DDR2: variants seen among roughly 807,000 people sequenced by gnomAD.
The protein encoded by DDR2 is discoidin domain-containing receptor 2.
Under a neutral mutation model 94.9 loss-of-function variants are expected in DDR2, and 27 were observed. That is an observed-to-expected ratio of 0.28 (90% CI 0.21 to 0.39). DDR2 has a LOEUF of 0.39. Among genes scored for constraint, DDR2 ranks in the 10% least tolerant of loss-of-function variants. DDR2 has a pLI of 1.00. For synonymous variants in DDR2, 382 were observed against 377.2 expected (o/e 1.01, Z -0.15); for missense variants, 783 against 1,076.0 (o/e 0.73, Z 3.81).
At chr1:162,757,199 T>C (rs1432473393) in intron 7 of DDR2, among the ~76,000 whole-genome samples, 2 of 152,222 alleles carry the variant, frequency 1.3e-5, no homozygotes, top group Non-Finnish European at 2.9e-5. Flanking sequence ...GCTTAAGGGA[T>C]TAAAATGTGT....
chr1:162,723,936 A>G (rs1661536089), intron 3 of DDR2, among the ~76,000 whole-genome samples: 1 of 152,168 alleles, frequency 6.6e-6, no homozygotes, highest in African/African-American at 2.4e-5. Flanking sequence ...GGAGAGGACG[A>G]GCTTTTCTCC....
At chr1:162,649,629 AAG>A (rs1277069095) in intron 1 of DDR2, among the ~76,000 whole-genome samples, 1 of 152,236 alleles carries the variant, frequency 6.6e-6, no homozygotes, top group East Asian at 1.9e-4. Flanking sequence ...GTGGTAGGAA[AAG>A]AGAGAGTAGA....
At chr1:162,743,496 C>A (rs1310052603) in intron 3 of DDR2, among the ~76,000 whole-genome samples, 1 of 152,172 alleles carries the variant, frequency 6.6e-6, no homozygotes, top group Non-Finnish European at 1.5e-5. Context: ...CTCCCTGCCA[C>A]CTCTACTCCA....
rs200739801 is a variant in DDR2, at chr1:162,720,700, AT to A, written c.82+1556del. On this transcript the variant is annotated intron_variant, in intron 3 of 17. Transcript: ENST00000367921. The stretch of plus-strand genomic sequence containing the variant: ...TGGAACTTCATATGTGTAGCATATG[AT>A]ATACTATTCTGCATAATACCAAAAA... 7.2e-3 allele frequency among the ~76,000 whole-genome samples: 1,091 copies of A among 152,252 alleles called. 13 individuals carry two copies. Among genetic ancestry groups the A allele is most frequent in the African/African-American group, 0.025 (1,037 of 41,568 alleles).
chr1:162,642,777 T>C (rs1657203678), intron 1 of DDR2, among the ~76,000 whole-genome samples: 1 of 152,146 alleles, frequency 6.6e-6, no homozygotes, highest in South Asian at 2.1e-4. Flanking sequence ...ATTTAACCTT[T>C]CCCTCTCTCA....
At chr1:162,739,448 A>T (rs111589695) in intron 3 of DDR2, among the ~76,000 whole-genome samples, 2,666 of 152,202 alleles carry the variant, frequency 0.018, 61 homozygotes, top group African/African-American at 0.05. Context: ...CTGGGATTAC[A>T]TGGGCACACC....
At chr1:162,652,499 T>A (rs906980344) in intron 1 of DDR2, among the ~76,000 whole-genome samples, 1 of 152,182 alleles carries the variant, frequency 6.6e-6, no homozygotes, top group African/African-American at 2.4e-5. Context: ...ACCCCAGTTT[T>A]CTACATTCCC....
chr1:162,692,197 G>A (rs756004085), intron 2 of DDR2, among the ~76,000 whole-genome samples: 8 of 152,228 alleles, frequency 5.3e-5, no homozygotes, highest in Non-Finnish European at 8.8e-5. Flanking sequence ...TCCCACCACC[G>A]TTTAGAAAGT....
At chr1:162,731,947 C>T (rs1282921765) in intron 3 of DDR2, among the ~76,000 whole-genome samples, 2 of 152,182 alleles carry the variant, frequency 1.3e-5, no homozygotes, top group Non-Finnish European at 2.9e-5. Flanking sequence ...ACCCAGTTTC[C>T]TCTTCAGCTT....
At chr1:162,704,909 T>C (rs530565356) in intron 2 of DDR2, 1 of 152,240 alleles carries the variant, frequency 6.6e-6, no homozygotes, top group Non-Finnish European at 1.5e-5. Context: ...GGGTTTTCCA[T>C]GCGGGGCCTG....
chr1:162,746,396 TA>T (rs1306625412), intron 3 of DDR2, among the ~76,000 whole-genome samples: 6 of 152,182 alleles, frequency 3.9e-5, no homozygotes, highest in African/African-American at 1.4e-4. Context: ...GAGATCGAAC[TA>T]CAAGGTGGCA....
intron 2 of DDR2, among the ~76,000 whole-genome samples, chr1:162,698,555 C>T (rs974758220): frequency 6.6e-6 from 1 of 152,114 alleles, no homozygotes; most frequent in African/African-American, 2.4e-5. Context: ...TGGGGGGAAT[C>T]GTTTCCATTT....
intron 3 of DDR2, among the ~76,000 whole-genome samples, chr1:162,725,389 TG>T (rs1661611592): frequency 6.6e-6 from 1 of 152,182 alleles, no homozygotes; most frequent in Non-Finnish European, 1.5e-5. Flanking sequence ...TTTTTTTGTT[TG>T]TTTTTGGAGA....
intron 5 of DDR2, 47 bp downstream of exon 5, chr1:162,754,902 T>C (rs1663384188): frequency 6.2e-7 from 1 of 1,607,792 alleles, no homozygotes; most frequent in Non-Finnish European, 8.5e-7. Context: ...GACCATATTT[T>C]GACTTAGGCT....
At chr1:162,772,380 C>T (rs1312582970) in intron 13 of DDR2, 133 bp downstream of exon 13, 25 of 968,504 alleles carry the variant, frequency 2.6e-5, no homozygotes, top group Middle Eastern at 2.1e-4. Flanking sequence ...CTTGCATTGT[C>T]CTCTGGATTT....
At chr1:162,677,731 G>A (rs190646333) in intron 2 of DDR2, among the ~76,000 whole-genome samples, 1 of 152,320 alleles carries the variant, frequency 6.6e-6, no homozygotes, top group East Asian at 1.9e-4. Context: ...AAGTGAAAAT[G>A]TGGAGGAGGT....
chr1:162,679,895 G>T (rs60956365), intron 2 of DDR2, among the ~76,000 whole-genome samples: 6,653 of 152,112 alleles, frequency 0.044, 221 homozygotes, highest in East Asian at 0.14. Flanking sequence ...GTGATGTCAA[G>T]TATTTTTTTC....
At chr1:162,716,628 A>G (rs1023906462) in intron 2 of DDR2, among the ~76,000 whole-genome samples, 4 of 151,804 alleles carry the variant, frequency 2.6e-5, no homozygotes, top group Non-Finnish European at 5.9e-5. Context: ...TCAGCCCCTC[A>G]CTATGGGGCC....
chr1:162,681,873 G>A (rs1404865989), intron 2 of DDR2, among the ~76,000 whole-genome samples: 1 of 152,152 alleles, frequency 6.6e-6, no homozygotes, highest in Non-Finnish European at 1.5e-5. Flanking sequence ...GCACAGGAAG[G>A]TTCACAGCAG....
Sources: allele counts gnomAD v4.1 joint callset (sites outside exome capture counted in the v4.1 genomes callset), GRCh38; gene constraint gnomAD v4.1.1; transcripts MANE v1.5; gene names NCBI Gene and HGNC (gene_info 2026-07-23, HGNC 2026-07-21).